The following CXCL13 variants were observed in gnomAD, a reference collection of about 807,000 sequenced individuals.
CXCL13 encodes the protein C-X-C motif chemokine ligand 13, also known as C-X-C motif chemokine 13.
CXCL13 carries 7 observed loss-of-function variants against 12.2 expected under a neutral mutation model. The observed-to-expected ratio is 0.57, with a 90% CI of 0.33 to 1.07. The LOEUF (loss-of-function observed/expected upper bound fraction) is 1.07, where lower values mean the gene tolerates loss of function less well. Ranked by LOEUF, CXCL13 falls within the 50% of genes least tolerant of loss-of-function variation. CXCL13 has a pLI of 0.04. For synonymous variants in CXCL13, 47 were observed against 42.4 expected (o/e 1.11, Z -0.42); for missense variants, 113 against 127.4 (o/e 0.89, Z 0.55).
chr4:77,595,530 C>G (rs1024835944), intron 1 of CXCL13, among the ~76,000 whole-genome samples: 1 of 152,086 alleles, frequency 6.6e-6, no homozygotes, highest in African/African-American at 2.4e-5. Context: ...ATCAAATAAG[C>G]CTTTCTTTGT....
chr4:77,549,297 C>G (rs187338329), intron 1 of CXCL13, among the ~76,000 whole-genome samples: 28 of 152,276 alleles, frequency 1.8e-4, no homozygotes, highest in African/African-American at 6.3e-4. Flanking sequence ...TCCTTTAGCT[C>G]GGAGAAGTTT....
intron 1 of CXCL13, among the ~76,000 whole-genome samples, chr4:77,571,894 G>A (rs539546456): frequency 4.0e-5 from 6 of 151,508 alleles, no homozygotes; most frequent in Non-Finnish European, 7.4e-5. Flanking sequence ...GCGAGCCCAC[G>A]AGCCCACCAG....
At chr4:77,557,054 A>G (rs1459435513) in intron 1 of CXCL13, among the ~76,000 whole-genome samples, 3 of 152,204 alleles carry the variant, frequency 2.0e-5, no homozygotes. Flanking sequence ...GAGAGAGAAA[A>G]GAAAAATGGG....
intron 1 of CXCL13, among the ~76,000 whole-genome samples, chr4:77,563,531 G>A (rs942556429): frequency 3.3e-5 from 5 of 152,154 alleles, no homozygotes; most frequent in Non-Finnish European, 7.3e-5. Context: ...CATTAAGATA[G>A]CAGAAGAGTA....
intron 1 of CXCL13, among the ~76,000 whole-genome samples, chr4:77,526,991 T>G (rs1560515402): frequency 6.6e-6 from 1 of 152,118 alleles, no homozygotes; most frequent in Non-Finnish European, 1.5e-5. Context: ...TTTCCCTTTG[T>G]GAAAATCAGG....
intron 1 of CXCL13, among the ~76,000 whole-genome samples, chr4:77,557,121 A>G (rs1043042999): frequency 2.0e-5 from 3 of 152,240 alleles, no homozygotes; most frequent in African/African-American, 7.2e-5. Flanking sequence ...TTTCCTGAGT[A>G]TAAAGAAAAC....
intron 1 of CXCL13, among the ~76,000 whole-genome samples, chr4:77,545,784 G>T (rs1041848142): frequency 6.6e-6 from 1 of 152,118 alleles, no homozygotes; most frequent in Non-Finnish European, 1.5e-5. Flanking sequence ...CCAACACTAT[G>T]TTGAATAGGA....
chr4:77,601,500 G>A (rs1726880484), upstream of CXCL13, among the ~76,000 whole-genome samples: 1 of 152,202 alleles, frequency 6.6e-6, no homozygotes, highest in South Asian at 2.1e-4. Context: ...CTTGTGAGGA[G>A]AGTAGGTAAA....
chr4:77,573,149 C>A (rs1386938521), intron 1 of CXCL13, among the ~76,000 whole-genome samples: 4 of 151,686 alleles, frequency 2.6e-5, no homozygotes, highest in African/African-American at 9.7e-5. Context: ...GACTTAATAC[C>A]TGGATGTTGA....
intron 1 of CXCL13, among the ~76,000 whole-genome samples, chr4:77,524,157 G>A (rs1402618978): frequency 6.6e-6 from 1 of 152,186 alleles, no homozygotes; most frequent in African/African-American, 2.4e-5. Flanking sequence ...CCTACTGGGA[G>A]ATGTCTCCCA....
intron 1 of CXCL13, among the ~76,000 whole-genome samples, chr4:77,600,593 C>T (rs1726863621): frequency 6.6e-6 from 1 of 152,150 alleles, no homozygotes; most frequent in Admixed American, 6.5e-5. Flanking sequence ...AGAGGAGAAA[C>T]AAGATGAGTA....
intron 1 of CXCL13, among the ~76,000 whole-genome samples, chr4:77,571,107 G>C (rs192752719): frequency 1.3e-5 from 2 of 152,130 alleles, no homozygotes; most frequent in African/African-American, 4.8e-5. Context: ...GGATCCACTG[G>C]GTGAAGCCAG....
chr4:77,586,734 A>G (rs949018999), intron 1 of CXCL13, among the ~76,000 whole-genome samples: 3 of 152,210 alleles, frequency 2.0e-5, no homozygotes, highest in Non-Finnish European at 2.9e-5. Flanking sequence ...ATCTGTAAAT[A>G]GAGTACTGAG....
At chr4:77,608,317 A>C (rs532548495) in intron 2 of CXCL13, among the ~76,000 whole-genome samples, 16 of 152,050 alleles carry the variant, frequency 1.1e-4, no homozygotes, top group Non-Finnish European at 1.9e-4. Flanking sequence ...GTTCATGCCT[A>C]TAATCCTAGC....
At chr4:77,571,892 A>G (rs1254157628) in intron 1 of CXCL13, among the ~76,000 whole-genome samples, 1 of 151,680 alleles carries the variant, frequency 6.6e-6, no homozygotes, top group Non-Finnish European at 1.5e-5. Flanking sequence ...CTGCGAGCCC[A>G]CGAGCCCACC....
In CXCL13 at chr4:77,524,620, T is replaced by A. The variant is rs533027908; in HGVS notation, c.-43+12832T>A. ...GAGTGTCCTGTTATTCCAGGTACAG[T>A]CTGTTGCAGCTTCCCTTGGCTAGGA... On this transcript the variant is annotated intron_variant, in intron 1 of 4. Coordinates refer to the CXCL13 transcript ENST00000286758. 3.0e-4 allele frequency among the ~76,000 whole-genome samples: 46 copies of A among 152,288 alleles called. No individual in the cohort carries two copies. In the South Asian group the frequency reaches 9.1e-3, roughly 30 times the overall value.
Position 77,557,124 on chromosome 4 carries a change from A to G in CXCL13, c.-43+45336A>G, listed in dbSNP as rs985378146. 7.9e-5 allele frequency among the ~76,000 whole-genome samples: 12 copies of G among 152,322 alleles called. 1 individual carries two copies. Among genetic ancestry groups the G allele is most frequent in the South Asian group, 4.1e-4 (2 of 4,826 alleles). ...AAATCCCATTATTTTCCTGAGTATA[A>G]AGAAAACAGAAATCTTCAGTTTCAA... On this transcript the variant is annotated intron_variant, in intron 1 of 4. Coordinates refer to the CXCL13 transcript ENST00000286758.
At chr4:77,529,164 C>T (rs926459135) in intron 1 of CXCL13, among the ~76,000 whole-genome samples, 2 of 152,258 alleles carry the variant, frequency 1.3e-5, no homozygotes, top group Admixed American at 1.3e-4. Context: ...TAGTACCATG[C>T]TGTTTTGGTT....
intron 1 of CXCL13, among the ~76,000 whole-genome samples, chr4:77,542,288 G>A (rs945276650): frequency 2.0e-5 from 3 of 152,142 alleles, no homozygotes; most frequent in African/African-American, 7.2e-5. Flanking sequence ...TCTTATGCCA[G>A]TTCTCAAGGG....
Sources: allele counts gnomAD v4.1 joint callset (sites outside exome capture counted in the v4.1 genomes callset), GRCh38; gene constraint gnomAD v4.1.1; transcripts MANE v1.5; gene names NCBI Gene and HGNC (gene_info 2026-07-23, HGNC 2026-07-21).